The following CDK14 variants were observed in gnomAD, a reference collection of about 807,000 sequenced individuals.
The protein encoded by CDK14 is cyclin-dependent kinase 14.
CDK14 carries 34 observed loss-of-function variants against 60.7 expected under a neutral mutation model. That is an observed-to-expected ratio of 0.56 (90% CI 0.43 to 0.75). The LOEUF (loss-of-function observed/expected upper bound fraction) is 0.75, where lower values mean the gene tolerates loss of function less well. Ranked by LOEUF, CDK14 falls within the 30% of genes least tolerant of loss-of-function variation. The pLI, the probability that CDK14 is intolerant of heterozygous loss-of-function variation, is 0.00. For missense variants in CDK14, 482 were observed against 564.1 expected (o/e 0.85, Z 1.47); for synonymous variants, 197 against 203.7 (o/e 0.97, Z 0.28).
chr7:91,074,264 A>G lies in CDK14; in HGVS notation c.1106-5168A>G, dbSNP rs1327017831. Among the ~76,000 whole-genome samples, 3 of 152,224 alleles carry G rather than the reference A, an allele frequency of 2.0e-5. No individual in the cohort carries two copies. In the East Asian group the frequency reaches 5.8e-4, roughly 29 times the overall value. On this transcript the variant is annotated intron_variant, in intron 11 of 14. Transcript: ENST00000380050. ...ATAATTAGAAGTGGAATCACTCCTC[A>G]GCAAATGCAAAAGAACTGAAATCAT...
At chr7:90,890,609 G>C (rs114750914) in intron 6 of CDK14, among the ~76,000 whole-genome samples, 8 of 152,186 alleles carry the variant, frequency 5.3e-5, no homozygotes, top group Admixed American at 2.0e-4. Flanking sequence ...AAGTAGATAA[G>C]TACTGTAAAG....
chr7:90,857,208 G>A (rs1030806932), intron 5 of CDK14, among the ~76,000 whole-genome samples: 2 of 151,930 alleles, frequency 1.3e-5, no homozygotes, highest in African/African-American at 4.8e-5. Context: ...ATCATGATGG[G>A]ACTAGAGTTT....
At chr7:90,606,097 A>G (rs1799413794) in intron 2 of CDK14, among the ~76,000 whole-genome samples, 1 of 152,220 alleles carries the variant, frequency 6.6e-6, no homozygotes, top group Admixed American at 6.5e-5. Flanking sequence ...CAAATCAGTA[A>G]ATCACAGAAT....
chr7:90,845,794 T>C (rs1790451297), intron 5 of CDK14, among the ~76,000 whole-genome samples: 1 of 152,152 alleles, frequency 6.6e-6, no homozygotes, highest in East Asian at 1.9e-4. Flanking sequence ...AATGAGAATT[T>C]TTTTGTCTCC....
At chr7:91,056,365 T>G (rs1057215848) in intron 11 of CDK14, among the ~76,000 whole-genome samples, 3 of 152,164 alleles carry the variant, frequency 2.0e-5, no homozygotes, top group African/African-American at 4.8e-5. Context: ...AGCATGGTGT[T>G]CGGTAATCTG....
intron 1 of CDK14, among the ~76,000 whole-genome samples, chr7:90,600,482 G>C (rs1563011698): frequency 6.6e-6 from 1 of 152,130 alleles, no homozygotes; most frequent in Non-Finnish European, 1.5e-5. Context: ...TATACTCTGC[G>C]ATATTTGAGA....
chr7:90,754,060 C>T (rs538957180), intron 4 of CDK14, among the ~76,000 whole-genome samples: 12 of 152,174 alleles, frequency 7.9e-5, no homozygotes, highest in Admixed American at 3.3e-4. Flanking sequence ...CTGCCCAATG[C>T]AATCTATTGA....
intron 5 of CDK14, among the ~76,000 whole-genome samples, chr7:90,791,903 C>CTT (rs112725000): frequency 0.63 from 89,495 of 141,650 alleles, 28,836 homozygotes; most frequent in East Asian, 0.95. Flanking sequence ...GAAAGGGCTT[C>CTT]TTTTTTTTTT....
At chr7:90,618,834 A>G (rs1166267945) in intron 2 of CDK14, among the ~76,000 whole-genome samples, 1 of 152,192 alleles carries the variant, frequency 6.6e-6, no homozygotes, top group Non-Finnish European at 1.5e-5. Flanking sequence ...ACATACAGAA[A>G]GAGTGATTTT....
intron 2 of CDK14, among the ~76,000 whole-genome samples, chr7:90,610,021 A>T (rs778756467): frequency 6.6e-6 from 1 of 152,230 alleles, no homozygotes; most frequent in East Asian, 1.9e-4. Context: ...ATTAAATCCC[A>T]CTAACAATCT....
At chr7:90,642,977 A>G (rs1380490570) in intron 2 of CDK14, among the ~76,000 whole-genome samples, 1 of 152,236 alleles carries the variant, frequency 6.6e-6, no homozygotes, top group Non-Finnish European at 1.5e-5. Context: ...AAAGTGAGAA[A>G]GGCTTAGTTT....
At chr7:90,649,991 G>T (rs534975549) in intron 2 of CDK14, among the ~76,000 whole-genome samples, 1 of 152,232 alleles carries the variant, frequency 6.6e-6, no homozygotes, top group African/African-American at 2.4e-5. Context: ...AGATCACTGG[G>T]TCAAAAGGTA....
intron 5 of CDK14, among the ~76,000 whole-genome samples, chr7:90,850,396 G>A (rs1440985483): frequency 6.6e-6 from 1 of 152,192 alleles, no homozygotes; most frequent in Non-Finnish European, 1.5e-5. Context: ...GCAGGAGTAA[G>A]TGTAAATAAT....
intron 11 of CDK14, among the ~76,000 whole-genome samples, chr7:91,046,190 A>G (rs964784322): frequency 1.3e-5 from 2 of 152,156 alleles, no homozygotes; most frequent in Non-Finnish European, 2.9e-5. Context: ...ATTTTATTTG[A>G]CTGGTTGATC....
rs574825627 is a variant in CDK14, at chr7:90,764,597, A to G, written c.464+16822A>G. 4.6e-5 allele frequency among the ~76,000 whole-genome samples: 7 copies of G among 152,326 alleles called. No individual in the cohort carries two copies. In the South Asian group the frequency reaches 1.2e-3, roughly 27 times the overall value. ...TTCAGTGCAAGATTGTATGGTAGAC[A>G]CTGTTGATGTTGGGGAGATGATCTG... On this transcript the variant is annotated intron_variant, in intron 4 of 14. Coordinates refer to ENST00000380050, the MANE Select transcript of CDK14 (RefSeq NM_001287135.2).
At chr7:90,855,926 A>G (rs926027240) in intron 5 of CDK14, among the ~76,000 whole-genome samples, 1 of 152,136 alleles carries the variant, frequency 6.6e-6, no homozygotes, top group Non-Finnish European at 1.5e-5. Context: ...GGAAGGGGGA[A>G]ATGGTTTAGG....
At chr7:91,173,896 G>C (rs1225914123) in intron 14 of CDK14, among the ~76,000 whole-genome samples, 1 of 152,246 alleles carries the variant, frequency 6.6e-6, no homozygotes, top group African/African-American at 2.4e-5. Context: ...ACCCGCCATT[G>C]CACAGGCTTG....
chr7:91,137,942 C>T (rs978309597), intron 14 of CDK14, among the ~76,000 whole-genome samples: 6 of 152,148 alleles, frequency 3.9e-5, no homozygotes, highest in African/African-American at 1.2e-4. Context: ...TAACACAACT[C>T]TGGCATTCCT....
At position 90,881,702 on chromosome 7, in the gene CDK14, C is replaced by G. The variant is rs565289875; in HGVS notation, c.640-17589C>G. On this transcript the variant is annotated intron_variant, in intron 6 of 14. Transcript: ENST00000380050. ...CAGCCAGGGAGAAAGGCCGGGTCACCTACAAAGGGAAGCCCCTAAGACTAA... is the reference window on the plus strand; with the variant it reads ...CAGCCAGGGAGAAAGGCCGGGTCACGTACAAAGGGAAGCCCCTAAGACTAA... Among the ~76,000 whole-genome samples the G allele has an allele frequency of 2.0e-5, 3 of 152,234 alleles. No individual in the cohort carries two copies. In the East Asian group the frequency reaches 5.8e-4, roughly 29 times the overall value.
Sources: allele counts gnomAD v4.1 joint callset (sites outside exome capture counted in the v4.1 genomes callset), GRCh38; gene constraint gnomAD v4.1.1; transcripts MANE v1.5; gene names NCBI Gene and HGNC (gene_info 2026-07-23, HGNC 2026-07-21).